Variants in PSMA1 observed in about 807,000 individuals in gnomAD.
PSMA1 encodes proteasome subunit alpha type-1.
Under a neutral mutation model 38.4 loss-of-function variants are expected in PSMA1, and 3 were observed. The ratio of observed to expected loss-of-function variants is 0.08; its 90% CI spans 0.04 to 0.20. The LOEUF is 0.20. Among genes scored for constraint, PSMA1 ranks in the 10% least tolerant of loss-of-function variants. The pLI is 1.00. For synonymous variants in PSMA1, 101 were observed against 107.1 expected, an observed-to-expected ratio of 0.94 and a Z score of 0.35; for missense variants, 227 against 325.3, an observed-to-expected ratio of 0.70 and a Z score of 2.32.
At chr11:14,625,796 CT>C (rs1195311862) in intron 1 of PSMA1, among the ~76,000 whole-genome samples, 1 of 152,228 alleles carries the variant, frequency 6.6e-6, no homozygotes, top group Non-Finnish European at 1.5e-5. Context: ...CTCTGGCTAT[CT>C]TCCATTTATC....
chr11:14,630,979 G>A (rs1031453635), intron 1 of PSMA1, among the ~76,000 whole-genome samples: 1 of 152,160 alleles, frequency 6.6e-6, no homozygotes, highest in Non-Finnish European at 1.5e-5. Context: ...TTCCCTGAAG[G>A]TAGTTTGTAT....
intron 2 of PSMA1, among the ~76,000 whole-genome samples, chr11:14,544,729 A>G (rs187750391): frequency 3.9e-5 from 6 of 152,350 alleles, no homozygotes; most frequent in Non-Finnish European, 1.5e-5. Context: ...CACTGCCAGT[A>G]GTAACATAAA....
chr11:14,600,983 A>G (rs1046498703), intron 2 of PSMA1, among the ~76,000 whole-genome samples: 6 of 152,170 alleles, frequency 3.9e-5, no homozygotes, highest in African/African-American at 4.8e-5. Context: ...TTAAAACCAA[A>G]TATCTTGGAA....
intron 2 of PSMA1, among the ~76,000 whole-genome samples, chr11:14,600,642 T>C (rs1396455336): frequency 6.6e-6 from 1 of 152,232 alleles, no homozygotes; most frequent in Non-Finnish European, 1.5e-5. Context: ...TCCCAGGTAG[T>C]CTGTCATGGC....
At position 14,539,870 on chromosome 11, in the gene PSMA1, A is replaced by G. The variant is rs562546967; in HGVS notation, c.22-20829T>C. ...TCTCAAACAAACAAACAAAGAAAAA[A>G]AAAACAACAACAGGACCCACAGGAG... On this transcript the variant is annotated intron_variant, in intron 2 of 10. Transcript: ENST00000418988. Among the ~76,000 whole-genome samples the G allele has an allele frequency of 3.9e-5, 6 of 152,040 alleles. No individual in the cohort carries two copies. The South Asian group carries it at 1.2e-3, about 32-fold the overall frequency.
chr11:14,591,472 G>T (rs1565052539), intron 2 of PSMA1, among the ~76,000 whole-genome samples: 1 of 152,208 alleles, frequency 6.6e-6, no homozygotes. Flanking sequence ...GGACTGGCAG[G>T]CAGTTCCACC....
At chr11:14,635,604 TTTA>T (rs773471235) in intron 1 of PSMA1, among the ~76,000 whole-genome samples, 2 of 152,332 alleles carry the variant, frequency 1.3e-5, no homozygotes, top group Non-Finnish European at 2.9e-5. Context: ...TAGTTGTTTG[TTTA>T]TTATTTCTGG....
intron 1 of PSMA1, among the ~76,000 whole-genome samples, chr11:14,634,247 G>T (rs1853082698): frequency 6.6e-6 from 1 of 152,186 alleles, no homozygotes. Context: ...TGCCAAAAAG[G>T]TTGGGACTGC....
intron 2 of PSMA1, among the ~76,000 whole-genome samples, chr11:14,589,290 T>C (rs1457236664): frequency 6.6e-6 from 1 of 151,960 alleles, no homozygotes; most frequent in Non-Finnish European, 1.5e-5. Context: ...CTTTTCCTTT[T>C]TGTTTTTCCA....
chr11:14,552,497 T>C (rs1346320080), intron 2 of PSMA1, among the ~76,000 whole-genome samples: 1 of 152,192 alleles, frequency 6.6e-6, no homozygotes, highest in Admixed American at 6.5e-5. Context: ...GTGAGCTCAG[T>C]TAATATGAAT....
At chr11:14,638,089 T>A (rs1853133153) in intron 1 of PSMA1, among the ~76,000 whole-genome samples, 1 of 152,028 alleles carries the variant, frequency 6.6e-6, no homozygotes, top group Non-Finnish European at 1.5e-5. Flanking sequence ...AGGTAGACAT[T>A]GTTATCCCCA....
intron 1 of PSMA1, among the ~76,000 whole-genome samples, chr11:14,611,755 T>C (rs1343485298): frequency 6.6e-6 from 1 of 152,140 alleles, no homozygotes; most frequent in East Asian, 1.9e-4. Flanking sequence ...CTTTCCTCCT[T>C]CCCACCCTCC....
At chr11:14,589,738 G>A (rs1262012408) in intron 2 of PSMA1, among the ~76,000 whole-genome samples, 1 of 152,136 alleles carries the variant, frequency 6.6e-6, no homozygotes. Context: ...GCTTACACAA[G>A]CAACAGTACA....
chr11:14,508,563 A>AAAAAAAAAAAAAAAAAAC (rs1565031089), intron 8 of PSMA1, among the ~76,000 whole-genome samples: 3 of 147,776 alleles, frequency 2.0e-5, no homozygotes, highest in East Asian at 1.9e-4. Context: ...CTCCATCTCA[A>AAAAAAAAAAAAAAAAAAC]AAAAAAAAAA....
chr11:14,563,942 A>G (rs758555509), intron 2 of PSMA1, among the ~76,000 whole-genome samples: 5 of 152,262 alleles, frequency 3.3e-5, no homozygotes, highest in Non-Finnish European at 7.3e-5. Flanking sequence ...TGAAACAACC[A>G]TAATTAAATA....
intron 2 of PSMA1, among the ~76,000 whole-genome samples, chr11:14,599,302 A>C (rs936614557): frequency 2.0e-5 from 3 of 152,092 alleles, no homozygotes; most frequent in Non-Finnish European, 4.4e-5. Flanking sequence ...TAGGTTGGGG[A>C]AGTTCTCCTG....
At chr11:14,601,340 T>C (rs1018625895) in intron 2 of PSMA1, among the ~76,000 whole-genome samples, 4 of 152,212 alleles carry the variant, frequency 2.6e-5, no homozygotes, top group African/African-American at 9.6e-5. Context: ...TTAGGGATTC[T>C]TTCCTGTTCC....
At chr11:14,584,148 A>G (rs1852312513) in intron 2 of PSMA1, among the ~76,000 whole-genome samples, 1 of 152,240 alleles carries the variant, frequency 6.6e-6, no homozygotes, top group Non-Finnish European at 1.5e-5. Context: ...AATAAGGGAG[A>G]AAGGAAAATC....
intron 2 of PSMA1, among the ~76,000 whole-genome samples, chr11:14,605,601 G>A (rs949550453): frequency 3.3e-5 from 5 of 152,020 alleles, no homozygotes; most frequent in African/African-American, 1.2e-4. Flanking sequence ...TGCCCAGGCT[G>A]GTCTCAAACT....
Sources: gnomAD v4.1 joint callset for allele counts (sites outside exome capture counted in the v4.1 genomes callset) on GRCh38, gnomAD v4.1.1 for gene constraint, MANE v1.5 for transcripts, NCBI Gene and HGNC (gene_info 2026-07-23, HGNC 2026-07-21) for gene names.